The following PHF20 variants were observed in gnomAD, a reference collection of about 807,000 sequenced individuals.
The protein encoded by PHF20 is glioma-expressed antigen 2.
A neutral mutation model predicts 113.5 loss-of-function variants in PHF20; 23 were observed. The ratio of observed to expected loss-of-function variants is 0.20; its 90% CI spans 0.15 to 0.29. The LOEUF is 0.29. Among genes scored for constraint, PHF20 ranks in the 10% least tolerant of loss-of-function variants. The pLI is 1.00. For missense variants in PHF20, 943 were observed against 1,219.6 expected, an observed-to-expected ratio of 0.77 and a Z score of 3.38; for synonymous variants, 434 against 457.3, an observed-to-expected ratio of 0.95 and a Z score of 0.65.
chr20:35,875,339 A>T (rs1455403814), intron 9 of PHF20, among the ~76,000 whole-genome samples: 1 of 151,858 alleles, frequency 6.6e-6, no homozygotes, highest in African/African-American at 2.4e-5. Context: ...CAGAGGTTGC[A>T]GTGAGTTGAG....
intron 1 of PHF20, among the ~76,000 whole-genome samples, chr20:35,775,331 G>A (rs1051612216): frequency 6.6e-6 from 1 of 152,168 alleles, no homozygotes; most frequent in Non-Finnish European, 1.5e-5. Context: ...AAAATAGGAA[G>A]GTGGTGGTTA....
intron 2 of PHF20, among the ~76,000 whole-genome samples, chr20:35,817,269 C>T (rs530954862): frequency 2.6e-5 from 4 of 152,090 alleles, no homozygotes; most frequent in Non-Finnish European, 4.4e-5. Context: ...TCACTGCAAT[C>T]TCCGCCTCCT....
chr20:35,947,874 G>T lies in PHF20; in HGVS notation c.*247G>T. On this transcript the variant is annotated 3_prime_UTR_variant, in exon 18 of 18. Coordinates refer to ENST00000374012, the MANE Select transcript of PHF20 (RefSeq NM_016436.5). ...GGGATTCCCCTCTTCTGTGCACATC[G>T]TTGAATGAAGAGAGTCTTTTTGCAC... 5.1e-6 allele frequency: 2 copies of T among 389,730 alleles called. No individual in the cohort carries two copies. The highest frequency in any genetic ancestry group is 9.3e-6 in the Non-Finnish European group (2 of 214,224). The allele number at this position is 389,730 out of a possible 1,614,324, so 24.1% of individuals were successfully genotyped here.
intron 9 of PHF20, among the ~76,000 whole-genome samples, chr20:35,890,311 C>T (rs893238250): frequency 6.6e-5 from 10 of 151,456 alleles, no homozygotes; most frequent in African/African-American, 1.9e-4. Context: ...ATTACAGGCA[C>T]GAGCCACTAC....
chr20:35,914,690 C>T (rs747565363), intron 12 of PHF20, among the ~76,000 whole-genome samples: 1 of 151,890 alleles, frequency 6.6e-6, no homozygotes, highest in African/African-American at 2.4e-5. Context: ...GGTGGCCAGG[C>T]GCGGTGGCTC....
intron 16 of PHF20, among the ~76,000 whole-genome samples, chr20:35,940,459 T>G: frequency 6.6e-6 from 1 of 151,264 alleles, no homozygotes; most frequent in East Asian, 1.9e-4. Context: ...CTCAGAGACA[T>G]GAAGTAGTCC....
rs776402916 is a variant in PHF20, at chr20:35,931,329, G to A, written c.2185G>A (p.Glu729Lys). The A allele has an allele frequency of 1.9e-6, 3 of 1,614,096 alleles. No homozygotes were observed. The highest frequency in any genetic ancestry group is 2.7e-5 in the African/African-American group (2 of 75,036). The change falls in exon 15 of 18, where the codon GAG (glutamate) becomes AAG (lysine). Residue 729 changes from glutamate to lysine, a missense_variant. Glu to Lys is a moderately conservative substitution (Grantham distance 56, BLOSUM62 1). Transcript: ENST00000374012. The stretch of plus-strand genomic sequence containing the variant: ...TATGCATGGCCTGGCATTTCTAGAA[G>A]AGAACTACTCCCATCAGAATGCCAA... ...GHMHGLAFLEENYSHQNAKKI... is the reference protein window; with the variant it reads ...GHMHGLAFLEKNYSHQNAKKI...
intron 9 of PHF20, among the ~76,000 whole-genome samples, chr20:35,884,248 A>C (rs1194572679): frequency 6.6e-6 from 1 of 152,106 alleles, no homozygotes; most frequent in African/African-American, 2.4e-5. Flanking sequence ...TGCGTTAGTC[A>C]CTGTTTAGTG....
intron 13 of PHF20, among the ~76,000 whole-genome samples, chr20:35,926,903 G>A (rs756213245): frequency 4.6e-5 from 7 of 152,188 alleles, no homozygotes; most frequent in Admixed American, 1.3e-4. Context: ...GTAGTTAAAG[G>A]TTTAGGGTCC....
intron 12 of PHF20, chr20:35,917,246 G>A: frequency 1.6e-6 from 1 of 606,302 alleles, no homozygotes; most frequent in Non-Finnish European, 3.2e-6. Context: ...CTGCCGTTGG[G>A]CTTCATTCTC....
intron 2 of PHF20, among the ~76,000 whole-genome samples, chr20:35,841,628 G>T (rs1425124812): frequency 6.6e-6 from 1 of 151,862 alleles, no homozygotes; most frequent in African/African-American, 2.4e-5. Flanking sequence ...AAATTAGCTG[G>T]GTGTGGTGGC....
intron 1 of PHF20, among the ~76,000 whole-genome samples, chr20:35,781,027 G>T (rs2041284614): frequency 6.7e-6 from 1 of 149,958 alleles, no homozygotes; most frequent in Non-Finnish European, 1.5e-5. Context: ...CTAATTTTCT[G>T]TTGTTAGTAG....
chr20:35,850,391 C>T (rs2042703418), intron 4 of PHF20, among the ~76,000 whole-genome samples: 1 of 145,792 alleles, frequency 6.9e-6, no homozygotes. Flanking sequence ...TCACTGCAAC[C>T]TCCACCTCCT....
chr20:35,798,959 A>G (rs2041723618), intron 1 of PHF20, among the ~76,000 whole-genome samples: 2 of 152,140 alleles, frequency 1.3e-5, no homozygotes, highest in African/African-American at 4.8e-5. Context: ...TCCATGTGGT[A>G]CAATTTTGCA....
chr20:35,811,765 T>A (rs533562146), intron 2 of PHF20, among the ~76,000 whole-genome samples: 1 of 150,882 alleles, frequency 6.6e-6, no homozygotes, highest in East Asian at 2.0e-4. Flanking sequence ...ATTTATTTAT[T>A]TATTTTTATT....
chr20:35,887,686 C>T (rs2054760513), intron 9 of PHF20: 1 of 151,638 alleles, frequency 6.6e-6, no homozygotes, highest in Non-Finnish European at 1.5e-5. Context: ...GTATCCTAGC[C>T]AATGAGGTTT....
intron 15 of PHF20, among the ~76,000 whole-genome samples, chr20:35,936,312 A>G (rs2055863258): frequency 1.3e-5 from 2 of 152,082 alleles, no homozygotes; most frequent in South Asian, 4.1e-4. Flanking sequence ...ATTGATGCCA[A>G]TTGTTTCCCC....
At chr20:35,862,855 T>G (rs2054241687) in intron 5 of PHF20, among the ~76,000 whole-genome samples, 158 bp from the exon 6 acceptor site, 1 of 152,252 alleles carries the variant, frequency 6.6e-6, no homozygotes, top group African/African-American at 2.4e-5. Flanking sequence ...GGTTCTCAAC[T>G]CAGTACAGGT....
At position 35,869,517 on chromosome 20, in the gene PHF20, C is replaced by T; in HGVS notation, c.888C>T (p.Val296=). ...GGAAAATATCAAAAGGATGTGAAGT[C>T]CCATTAAAACGTCCTCGGCTTGACA... is the stretch of plus-strand genomic sequence containing the variant. ...RRRKISKGCE[V]PLKRPRLDKN... is the part of the protein sequence containing the mutation. The change falls in exon 7 of 18, where the codon GTC becomes GTT. Residue 296 remains valine, a synonymous_variant. Coordinates refer to ENST00000374012, the MANE Select transcript of PHF20 (RefSeq NM_016436.5). 2 of 1,608,450 alleles carry T rather than the reference C, an allele frequency of 1.2e-6. No individual in the cohort carries two copies. The highest frequency in any genetic ancestry group is 1.7e-6 in the Non-Finnish European group (2 of 1,176,106).
Sources: gnomAD v4.1 joint callset for allele counts (sites outside exome capture counted in the v4.1 genomes callset) on GRCh38, gnomAD v4.1.1 for gene constraint, MANE v1.5 for transcripts, NCBI Gene and HGNC (gene_info 2026-07-23, HGNC 2026-07-21) for gene names.